The following XKR4 variants were observed in gnomAD, a reference collection of about 807,000 sequenced individuals.
XKR4 encodes XK related 4.
A neutral mutation model predicts 53.9 loss-of-function variants in XKR4; 12 were observed. The ratio of observed to expected loss-of-function variants is 0.22; its 90% CI spans 0.14 to 0.36. XKR4 has a LOEUF of 0.36. Ranked by LOEUF, XKR4 falls within the 10% of genes least tolerant of loss-of-function variation. The pLI is 1.00. For synonymous variants in XKR4, 354 were observed against 362.4 expected, an observed-to-expected ratio of 0.98 and a Z score of 0.26; for missense variants, 799 against 859.5, an observed-to-expected ratio of 0.93 and a Z score of 0.88.
chr8:55,201,899 T>C (rs146417459), intron 1 of XKR4, among the ~76,000 whole-genome samples: 40 of 152,346 alleles, frequency 2.6e-4, no homozygotes, highest in African/African-American at 8.7e-4. Context: ...TCTATTTGTG[T>C]TGTTTGAGAA....
At chr8:55,405,044 C>T (rs1273232720) in intron 2 of XKR4, among the ~76,000 whole-genome samples, 1 of 152,150 alleles carries the variant, frequency 6.6e-6, no homozygotes, top group Non-Finnish European at 1.5e-5. Flanking sequence ...GAACTTGATG[C>T]CTTAATACAC....
chr8:55,236,716 G>A (rs1261028036), intron 1 of XKR4, among the ~76,000 whole-genome samples: 1 of 152,036 alleles, frequency 6.6e-6, no homozygotes, highest in African/African-American at 2.4e-5. Flanking sequence ...TGAGCAACAG[G>A]CCCTTTTCTC....
intron 1 of XKR4, among the ~76,000 whole-genome samples, chr8:55,185,889 GT>G (rs2129360377): frequency 6.6e-6 from 1 of 152,254 alleles, no homozygotes; most frequent in African/African-American, 2.4e-5. Flanking sequence ...TCAAATTATT[GT>G]TAATTTCATG....
intron 2 of XKR4, among the ~76,000 whole-genome samples, chr8:55,465,166 C>A (rs887406146): frequency 2.0e-5 from 3 of 152,124 alleles, no homozygotes; most frequent in Non-Finnish European, 4.4e-5. Flanking sequence ...CAAAAAGAAG[C>A]CTGCATTGCC....
chr8:55,273,083 C>T (rs189442772), intron 1 of XKR4, among the ~76,000 whole-genome samples: 122 of 152,010 alleles, frequency 8.0e-4, no homozygotes, highest in Middle Eastern at 3.4e-3. Flanking sequence ...CTTCATTTTT[C>T]CCTCTAGTAA....
intron 1 of XKR4, among the ~76,000 whole-genome samples, chr8:55,271,677 T>C (rs1818692848): frequency 6.6e-6 from 1 of 152,232 alleles, no homozygotes; most frequent in African/African-American, 2.4e-5. Context: ...GGCAGCTAAC[T>C]AGAAACAGGA....
At chr8:55,464,868 A>G (rs894462059) in intron 2 of XKR4, among the ~76,000 whole-genome samples, 1 of 152,170 alleles carries the variant, frequency 6.6e-6, no homozygotes, top group Non-Finnish European at 1.5e-5. Context: ...CCAAATCATG[A>G]GTGAACTCCC....
At chr8:55,248,965 T>C (rs1393912816) in intron 1 of XKR4, among the ~76,000 whole-genome samples, 1 of 152,176 alleles carries the variant, frequency 6.6e-6, no homozygotes, top group African/African-American at 2.4e-5. Context: ...TCACCATCTA[T>C]CCTTCGCAGA....
At chr8:55,404,531 A>T (rs1488163280) in intron 2 of XKR4, among the ~76,000 whole-genome samples, 2 of 152,240 alleles carry the variant, frequency 1.3e-5, no homozygotes, top group Non-Finnish European at 2.9e-5. Context: ...AGAAAGAACA[A>T]GCAGACAAAC....
At position 55,540,775 on chromosome 8, in the gene XKR4, T is replaced by A. The variant is rs1054054447; in HGVS notation, c.*16548T>A. The A allele has an allele frequency of 2.0e-5, 3 of 152,202 alleles. No individual in the cohort carries two copies. The highest frequency in any genetic ancestry group is 7.2e-5 in the African/African-American group (3 of 41,458). The allele number at this position is 152,202 out of a possible 1,614,324, so 9.4% of individuals were successfully genotyped here. On this transcript the variant is annotated 3_prime_UTR_variant, in exon 3 of 3. Transcript: ENST00000327381. ...TCTTTTCTCAGTGTTTACTTAATTC[T>A]TTTTGCAGTTTGGATTGGAGTTTCT... is the stretch of plus-strand genomic sequence containing the variant.
intron 1 of XKR4, among the ~76,000 whole-genome samples, chr8:55,233,852 G>T (rs1480582785): frequency 1.3e-5 from 2 of 152,088 alleles, no homozygotes; most frequent in Non-Finnish European, 2.9e-5. Context: ...AATAAAGCAT[G>T]AAAAAAAGCA....
At chr8:55,138,491 T>G (rs769203081) in intron 1 of XKR4, among the ~76,000 whole-genome samples, 1 of 152,214 alleles carries the variant, frequency 6.6e-6, no homozygotes, top group African/African-American at 2.4e-5. Context: ...AAATGAAGTC[T>G]TTCTTAGATG....
chr8:55,394,472 T>G (rs1295227470), intron 2 of XKR4, among the ~76,000 whole-genome samples: 1 of 152,226 alleles, frequency 6.6e-6, no homozygotes, highest in Non-Finnish European at 1.5e-5. Flanking sequence ...GAAAATACAT[T>G]TGTTTTATTA....
At chr8:55,463,026 C>A (rs529742894) in intron 2 of XKR4, among the ~76,000 whole-genome samples, 3 of 151,986 alleles carry the variant, frequency 2.0e-5, no homozygotes, top group African/African-American at 7.3e-5. Context: ...TATAATAATG[C>A]GAGACTTTAA....
At position 55,182,283 on chromosome 8, in the gene XKR4, A is replaced by AC. The variant is rs1817321119; in HGVS notation, c.806+78989_806+78990insC. ...AATTTTGGTAAAGTCCAGTTTATCA[A>AC]TTTTTTTCTTTTATGGATCACACTT... On this transcript the variant is annotated intron_variant, in intron 1 of 2. Transcript: ENST00000327381. Among the ~76,000 whole-genome samples the AC allele has an allele frequency of 2.6e-5, 4 of 150,954 alleles. No homozygotes were observed. The South Asian group carries it at 8.4e-4, about 32-fold the overall frequency.
chr8:55,313,060 CT>C lies in XKR4; in HGVS notation c.807-44617del, dbSNP rs139494415. On this transcript the variant is annotated intron_variant, in intron 1 of 2. Transcript: ENST00000327381. Reference sequence around the variant, plus strand: ...CTCTGGTTTTATAGCATTTTAATTGCTGTTTTAATCCTGTGTTTTATATAAA... The same window carrying C: ...CTCTGGTTTTATAGCATTTTAATTGCGTTTTAATCCTGTGTTTTATATAAA... 9.3e-3 allele frequency among the ~76,000 whole-genome samples: 1,417 copies of C among 152,236 alleles called. 24 individuals are homozygous for C. The highest frequency in any genetic ancestry group is 0.032 in the African/African-American group (1,323 of 41,552).
intron 1 of XKR4, among the ~76,000 whole-genome samples, chr8:55,196,818 G>A (rs774742530): frequency 2.0e-5 from 3 of 152,172 alleles, no homozygotes; most frequent in Non-Finnish European, 4.4e-5. Context: ...TGGATAAAAT[G>A]GACGAAATGA....
chr8:55,117,882 G>C (rs2129351647), intron 1 of XKR4, among the ~76,000 whole-genome samples: 1 of 152,248 alleles, frequency 6.6e-6, no homozygotes, highest in African/African-American at 2.4e-5. Flanking sequence ...ATTTTCTGCT[G>C]ACCACCAGGG....
intron 2 of XKR4, among the ~76,000 whole-genome samples, chr8:55,460,809 T>C (rs1471833231): frequency 6.6e-6 from 1 of 152,192 alleles, no homozygotes; most frequent in Non-Finnish European, 1.5e-5. Context: ...AATGGGCTTA[T>C]CAAACGGCAC....
Sources: gnomAD v4.1 joint callset for allele counts (sites outside exome capture counted in the v4.1 genomes callset) on GRCh38, gnomAD v4.1.1 for gene constraint, MANE v1.5 for transcripts, NCBI Gene and HGNC (gene_info 2026-07-23, HGNC 2026-07-21) for gene names.